Variants in NDNF observed in about 807,000 individuals in gnomAD.
NDNF encodes the protein neuron derived neurotrophic factor.
In NDNF, 16 loss-of-function variants were observed where a neutral mutation model predicts 42.0. The ratio of observed to expected loss-of-function variants is 0.38; its 90% CI spans 0.26 to 0.58. NDNF has a LOEUF of 0.58. NDNF is among the 20% of genes least tolerant of loss of function. NDNF has a pLI of 0.67. For synonymous variants in NDNF, 248 were observed against 251.7 expected, an observed-to-expected ratio of 0.99 and a Z score of 0.14; for missense variants, 616 against 666.2, an observed-to-expected ratio of 0.92 and a Z score of 0.83.
chr4:121,065,994 A>G (rs1293455237), intron 1 of NDNF, among the ~76,000 whole-genome samples: 2 of 152,144 alleles, frequency 1.3e-5, no homozygotes, highest in South Asian at 4.1e-4. Context: ...AGTTAAAAAA[A>G]AGCATATTTT....
Position 121,072,331 on chromosome 4 carries a change from G to C in NDNF, c.-340C>G, listed in dbSNP as rs1373986142. 1 of 151,562 alleles carries C rather than the reference G, an allele frequency of 6.6e-6. No homozygotes were observed. Among genetic ancestry groups the C allele is most frequent in the Non-Finnish European group, 1.5e-5 (1 of 67,940 alleles). 9.4% of individuals were successfully genotyped at this position (151,562 alleles called of 1,614,324 possible). A position where few individuals can be genotyped will look rare whatever the true frequency, so the allele number is the denominator to read the frequency against. On this transcript the variant is annotated 5_prime_UTR_variant, in exon 1 of 4. Coordinates refer to ENST00000379692, the MANE Select transcript of NDNF (RefSeq NM_024574.4). ...GCGGGAGGTCCTTTTAAACTGCAGG[G>C]AGCGTGCGGGGGCTGGGCGGCGGGA...
intron 3 of NDNF, among the ~76,000 whole-genome samples, chr4:121,038,386 TAAAATAAAAC>T (rs764859286): frequency 4.1e-4 from 61 of 147,312 alleles, no homozygotes; most frequent in East Asian, 1.4e-3. Flanking sequence ...TAAAATAAAA[TAAAATAAAAC>T]AAAACAAAAC....
At chr4:121,052,622 T>C (rs1353803882) in intron 1 of NDNF, among the ~76,000 whole-genome samples, 2 of 152,168 alleles carry the variant, frequency 1.3e-5, no homozygotes, top group Non-Finnish European at 2.9e-5. Flanking sequence ...GAAAAAAATA[T>C]ATAGCTTTAG....
rs545789057 is a variant in NDNF, at chr4:121,065,342, G to T, written c.-2+6651C>A. On this transcript the variant is annotated intron_variant, in intron 1 of 3. Coordinates refer to ENST00000379692, the MANE Select transcript of NDNF (RefSeq NM_024574.4). Reference sequence around the variant, plus strand: ...AATCTTTGCCCCACAATGAGGCAAGGAGGGCACCCCCTTTTAAAGACCTCT... The same window carrying T: ...AATCTTTGCCCCACAATGAGGCAAGTAGGGCACCCCCTTTTAAAGACCTCT... 3.3e-5 allele frequency among the ~76,000 whole-genome samples: 5 copies of T among 151,152 alleles called. No individual in the cohort carries two copies. In the East Asian group the frequency reaches 9.9e-4, roughly 30 times the overall value.
chr4:121,037,657 C>A lies in NDNF; in HGVS notation c.314G>T (p.Gly105Val), dbSNP rs746453625. The A allele has an allele frequency of 1.9e-6, 3 of 1,567,754 alleles. No homozygotes were observed. In the South Asian group the frequency reaches 3.6e-5, roughly 19 times the overall value. ...LPEDRSGEGSGDLEPLEQQKQ... is the reference protein window; with the variant it reads ...LPEDRSGEGSVDLEPLEQQKQ... The stretch of plus-strand genomic sequence containing the variant: ...CTGCTGCTCAAGAGGTTCCAGATCA[C>A]CTAGAAAATACAGGAGAAGCACAGG... The change falls in exon 4 of 4, where the codon GGT (glycine) becomes GTT (valine). Residue 105 changes from glycine to valine, a missense_variant and splice_region_variant. Transcript: ENST00000379692.
chr4:121,052,267 G>A (rs1005751450), intron 1 of NDNF, among the ~76,000 whole-genome samples: 2 of 152,024 alleles, frequency 1.3e-5, no homozygotes, highest in African/African-American at 2.4e-5. Context: ...ACTGAGATTC[G>A]CTTAAAAATT....
chr4:121,039,862 T>C (rs1579309480), intron 3 of NDNF, 68 bp downstream of exon 3: 8 of 1,544,174 alleles, frequency 5.2e-6, no homozygotes, highest in South Asian at 3.7e-5. Context: ...ACATAGAAGG[T>C]TGTATGTTTC....
Position 121,045,767 on chromosome 4 carries a change from G to A in NDNF, c.71C>T (p.Thr24Ile), listed in dbSNP as rs765264077. 1.9e-6 allele frequency: 3 copies of A among 1,614,076 alleles called. No individual in the cohort carries two copies. Among genetic ancestry groups the A allele is most frequent in the African/African-American group, 2.7e-5 (2 of 74,924 alleles). ...PLSSRTQKLPTRDEELFQMQI... is the reference protein window; with the variant it reads ...PLSSRTQKLPIRDEELFQMQI... Reference sequence around the variant, plus strand: ...CATCTGAAAAAGTTCCTCATCCCGGGTGGGTAACTTCTGGGTCCTTGAGCT... The same window carrying A: ...CATCTGAAAAAGTTCCTCATCCCGGATGGGTAACTTCTGGGTCCTTGAGCT... Residue 24 changes from threonine (T) to isoleucine (I), a missense_variant, in exon 2 of 4, where the codon ACC (threonine) becomes ATC (isoleucine). Coordinates refer to ENST00000379692, the MANE Select transcript of NDNF (RefSeq NM_024574.4).
intron 2 of NDNF, among the ~76,000 whole-genome samples, chr4:121,044,598 T>A (rs1727056854): frequency 6.6e-6 from 1 of 152,026 alleles, no homozygotes; most frequent in South Asian, 2.1e-4. Context: ...AAATAAACCG[T>A]GTCAGTTTTT....
chr4:121,059,382 A>T (rs1727360743), intron 1 of NDNF, among the ~76,000 whole-genome samples: 1 of 152,226 alleles, frequency 6.6e-6, no homozygotes, highest in African/African-American at 2.4e-5. Flanking sequence ...TTGTTTCAAG[A>T]GAATATAGGC....
At chr4:121,045,462 A>G (rs1408640167) in intron 2 of NDNF, among the ~76,000 whole-genome samples, 188 bp downstream of exon 2, 1 of 152,236 alleles carries the variant, frequency 6.6e-6, no homozygotes, top group Non-Finnish European at 1.5e-5. Context: ...GACAATCAGC[A>G]AGAATCAAAC....
chr4:121,043,966 G>A (rs1006357471), intron 2 of NDNF, among the ~76,000 whole-genome samples: 3 of 152,224 alleles, frequency 2.0e-5, no homozygotes, highest in Admixed American at 6.5e-5. Flanking sequence ...TCAGGACCAA[G>A]AGAGCAAGTT....
At chr4:121,045,546 T>C (rs1727075342) in intron 2 of NDNF, 104 bp downstream of exon 2, 2 of 943,950 alleles carry the variant, frequency 2.1e-6, no homozygotes, top group Non-Finnish European at 3.2e-6. Context: ...ATGCCATTCA[T>C]AGGTTGATTT....
At chr4:121,051,771 A>T (rs1044102503) in intron 1 of NDNF, among the ~76,000 whole-genome samples, 2 of 152,054 alleles carry the variant, frequency 1.3e-5, no homozygotes, top group African/African-American at 4.8e-5. Context: ...AATCTGGCTA[A>T]TTTTTTTTCC....
chr4:121,065,206 G>A (rs1029685516), intron 1 of NDNF, among the ~76,000 whole-genome samples: 7 of 152,052 alleles, frequency 4.6e-5, no homozygotes, highest in South Asian at 2.1e-4. Context: ...GAGTGCTTTC[G>A]TTAATTGATA....
chr4:121,057,443 C>T (rs1727315665), intron 1 of NDNF, among the ~76,000 whole-genome samples: 1 of 152,174 alleles, frequency 6.6e-6, no homozygotes, highest in Admixed American at 6.5e-5. Flanking sequence ...CCATCACCCA[C>T]TAAGAGGGAC....
At chr4:121,066,210 C>T (rs545826250) in intron 1 of NDNF, among the ~76,000 whole-genome samples, 3 of 152,120 alleles carry the variant, frequency 2.0e-5, no homozygotes, top group South Asian at 4.2e-4. Flanking sequence ...TTCATAGCAC[C>T]CGAAGAACTA....
intron 1 of NDNF, among the ~76,000 whole-genome samples, chr4:121,053,197 T>C (rs1258391255): frequency 6.6e-6 from 1 of 152,232 alleles, no homozygotes; most frequent in Non-Finnish European, 1.5e-5. Flanking sequence ...CCAACCTCCC[T>C]TAGCACTTCT....
In NDNF at chr4:121,037,504, T is replaced by C. The variant is rs765312059; in HGVS notation, c.467A>G (p.Asp156Gly). The part of the protein sequence containing the change: ...YQLDLLSTEK[D>G]THFKVYATTT... The stretch of plus-strand genomic sequence containing the variant: ...GGTGGCATATACTTTGAAATGTGTG[T>C]CTTTCTCTGTTGAAAGAAGATCCAA... Residue 156 changes from aspartate to glycine, a missense_variant, in exon 4 of 4, where the codon GAC (aspartate) becomes GGC (glycine). By Grantham distance (94) the Asp-to-Gly change is moderately conservative. Coordinates refer to ENST00000379692, the MANE Select transcript of NDNF (RefSeq NM_024574.4). 6.2e-7 allele frequency: 1 copy of C among 1,614,166 alleles called. No homozygotes were observed. Among genetic ancestry groups the C allele is most frequent in the East Asian group, 2.2e-5 (1 of 44,870 alleles).
Sources: allele counts gnomAD v4.1 joint callset (sites outside exome capture counted in the v4.1 genomes callset), GRCh38; gene constraint gnomAD v4.1.1; transcripts MANE v1.5; gene names NCBI Gene and HGNC (gene_info 2026-07-23, HGNC 2026-07-21).